The following FAM200B variants were observed in gnomAD, a reference collection of about 807,000 sequenced individuals.
FAM200B encodes the protein protein FAM200B.
A neutral mutation model predicts 33.1 loss-of-function variants in FAM200B; 32 were observed. The ratio of observed to expected loss-of-function variants is 0.97; its 90% CI spans 0.73 to 1.30. The LOEUF (loss-of-function observed/expected upper bound fraction) is 1.30, where lower values mean the gene tolerates loss of function less well. Among genes scored for constraint, FAM200B ranks in the 50% most tolerant of loss-of-function variants. The pLI is 0.00. For synonymous variants in FAM200B, 240 were observed against 264.8 expected (o/e 0.91, Z 0.91); for missense variants, 741 against 754.0 (o/e 0.98, Z 0.20).
the FAM200B span, among the ~76,000 whole-genome samples, chr4:15,640,558 C>T: frequency 6.6e-6 from 1 of 151,680 alleles, no homozygotes; most frequent in African/African-American, 2.4e-5. Flanking sequence ...TTAATATTTC[C>T]TGAGTAAATT....
In FAM200B at chr4:15,689,866, TGTA is replaced by T. The variant is rs140129337; in HGVS notation, c.*919_*921del. ...TATTCCTTTATTTCTTTGTTTTCCT[TGTA>T]GTATATAATTTGTAATAATTTTGAT... On this transcript the variant is annotated 3_prime_UTR_variant, in exon 2 of 2. Coordinates refer to ENST00000422728, the MANE Select transcript of FAM200B (RefSeq NM_001145191.2). The T allele has an allele frequency of 0.093, 15,532 of 167,090 alleles. 872 individuals are homozygous for T. Among genetic ancestry groups the T allele is most frequent in the Non-Finnish European group, 0.13 (8,549 of 68,050 alleles). The allele number at this position is 167,090 out of a possible 1,614,324, so 10.4% of individuals were successfully genotyped here. A position where few individuals can be genotyped will look rare whatever the true frequency, so the allele number is the denominator to read the frequency against.
intron 1 of FAM200B, 62 bp from the exon 2 acceptor site, chr4:15,686,174 C>G (rs1718828515): frequency 6.6e-6 from 1 of 152,172 alleles, no homozygotes; most frequent in Non-Finnish European, 1.5e-5. Context: ...GCCCCCATAG[C>G]TGGCAGTAAT....
the FAM200B span, chr4:15,644,622 A>C: frequency 6.2e-7 from 1 of 1,614,064 alleles, no homozygotes; most frequent in Non-Finnish European, 8.5e-7. Context: ...CAATCTGCTC[A>C]TGCATTTTGA....
At chr4:15,644,661 C>A in the FAM200B span, 7 of 1,613,044 alleles carry the variant, frequency 4.3e-6, no homozygotes, top group Non-Finnish European at 8.5e-7. Flanking sequence ...ACAAAGACTG[C>A]AGAAGAGCAC....
chr4:15,668,732 A>C, the FAM200B span, among the ~76,000 whole-genome samples: 1 of 152,216 alleles, frequency 6.6e-6, no homozygotes, highest in African/African-American at 2.4e-5. Context: ...AATACATTCA[A>C]GTTCCCAGAC....
At chr4:15,649,255 G>T in the FAM200B span, among the ~76,000 whole-genome samples, 1 of 151,862 alleles carries the variant, frequency 6.6e-6, no homozygotes. Context: ...TTTTTAACCC[G>T]GTACCTAAAG....
the FAM200B span, chr4:15,644,660 G>C: frequency 3.7e-6 from 6 of 1,613,246 alleles, no homozygotes; most frequent in South Asian, 6.6e-5. Context: ...TACAAAGACT[G>C]CAGAAGAGCA....
chr4:15,679,518 C>T (rs1017121813), upstream of FAM200B, among the ~76,000 whole-genome samples: 1 of 148,512 alleles, frequency 6.7e-6, no homozygotes, highest in Non-Finnish European at 1.5e-5. Flanking sequence ...TCTAAATATC[C>T]TTGAATCTAT....
chr4:15,675,809 C>T, the FAM200B span, among the ~76,000 whole-genome samples: 3 of 151,994 alleles, frequency 2.0e-5, no homozygotes, highest in Admixed American at 2.0e-4. Flanking sequence ...TCTCGAACTC[C>T]TGACCTCAGA....
At chr4:15,646,133 C>T in the FAM200B span, among the ~76,000 whole-genome samples, 3 of 152,272 alleles carry the variant, frequency 2.0e-5, no homozygotes, top group South Asian at 6.2e-4. Context: ...TTATTTACCT[C>T]AGCAGTTGTA....
chr4:15,665,049 G>A, the FAM200B span, among the ~76,000 whole-genome samples: 4 of 152,036 alleles, frequency 2.6e-5, no homozygotes, highest in Admixed American at 6.6e-5. Flanking sequence ...TTTTTCATGT[G>A]CTCAGTCATA....
At chr4:15,674,710 C>T in the FAM200B span, among the ~76,000 whole-genome samples, 4 of 150,480 alleles carry the variant, frequency 2.7e-5, no homozygotes, top group African/African-American at 9.8e-5. Flanking sequence ...AGTGCAGTGA[C>T]GCGATCTTGG....
chr4:15,662,447 A>G, the FAM200B span, among the ~76,000 whole-genome samples: 2 of 152,342 alleles, frequency 1.3e-5, no homozygotes, highest in East Asian at 3.8e-4. Context: ...AATAAGTGTA[A>G]TAGGCTTTCA....
chr4:15,663,876 C>A, the FAM200B span, among the ~76,000 whole-genome samples: 3 of 152,122 alleles, frequency 2.0e-5, no homozygotes, highest in East Asian at 5.8e-4. Flanking sequence ...CATTGACTTA[C>A]CCTGGCTAAT....
rs1448154940 is a variant in FAM200B at position 15,688,736 on chromosome 4, G to A, written c.1759G>A (p.Val587Ile). ...TLSLSAFWMK[V>I]KEDFPLLSRK... ...AAGTTTATCAGCATTTTGGATGAAGGTAAAGGAAGACTTTCCATTGTTAAG... is the reference window on the plus strand; with the variant it reads ...AAGTTTATCAGCATTTTGGATGAAGATAAAGGAAGACTTTCCATTGTTAAG... Residue 587 changes from valine to isoleucine, a missense_variant, in exon 2 of 2, where the codon GTA (valine) becomes ATA (isoleucine). Transcript: ENST00000422728. 1 of 1,550,478 alleles carries A rather than the reference G, an allele frequency of 6.4e-7. No homozygotes were observed. The highest frequency in any genetic ancestry group is 2.0e-5 in the Admixed American group (1 of 50,962).
At chr4:15,675,120 A>G in the FAM200B span, among the ~76,000 whole-genome samples, 11 of 152,228 alleles carry the variant, frequency 7.2e-5, no homozygotes, top group Admixed American at 2.0e-4. Flanking sequence ...TGTGATGTGT[A>G]ACCAGGCTTG....
At chr4:15,644,392 A>T in the FAM200B span, 1 of 953,128 alleles carries the variant, frequency 1.0e-6, no homozygotes, top group Non-Finnish European at 1.6e-6. Context: ...AATTTTTTTC[A>T]ACATTACATC....
chr4:15,640,688 C>A, the FAM200B span: 1 of 567,270 alleles, frequency 1.8e-6, no homozygotes, highest in South Asian at 3.0e-5. Flanking sequence ...CTCCATCAAC[C>A]AGATACATCT....
the FAM200B span, among the ~76,000 whole-genome samples, chr4:15,641,920 G>A: frequency 4.6e-5 from 7 of 151,996 alleles, no homozygotes; most frequent in Middle Eastern, 6.8e-3. Flanking sequence ...CCAGCTACTC[G>A]AGAGGCTGAG....
Sources: allele counts gnomAD v4.1 joint callset (sites outside exome capture counted in the v4.1 genomes callset), GRCh38; gene constraint gnomAD v4.1.1; transcripts MANE v1.5; gene names NCBI Gene and HGNC (gene_info 2026-07-23, HGNC 2026-07-21).